The following DAB1 variants were observed in gnomAD, a reference collection of about 807,000 sequenced individuals.
DAB1 encodes the protein disabled homolog 1.
Under a neutral mutation model 64.6 loss-of-function variants are expected in DAB1, and 15 were observed. That is an observed-to-expected ratio of 0.23 (90% CI 0.16 to 0.36). The LOEUF is 0.36. Ranked by LOEUF, DAB1 falls within the 10% of genes least tolerant of loss-of-function variation. DAB1 has a pLI of 1.00. For synonymous variants in DAB1, 235 were observed against 251.9 expected (o/e 0.93, Z 0.64); for missense variants, 596 against 706.7 (o/e 0.84, Z 1.78).
intron 4 of DAB1, among the ~76,000 whole-genome samples, chr1:57,110,599 G>A (rs887041691): frequency 6.6e-6 from 1 of 152,194 alleles, no homozygotes; most frequent in African/African-American, 2.4e-5. Flanking sequence ...TCCAGGAACT[G>A]GGCCAGATAA....
chr1:58,286,512 G>A (rs965302164), intron 4 of DAB1, among the ~76,000 whole-genome samples: 3 of 152,134 alleles, frequency 2.0e-5, no homozygotes, highest in Non-Finnish European at 4.4e-5. Context: ...CAAAGGACAT[G>A]AACAGACACT....
At chr1:58,058,387 T>A (rs1648276864) in intron 5 of DAB1, among the ~76,000 whole-genome samples, 1 of 152,184 alleles carries the variant, frequency 6.6e-6, no homozygotes, top group South Asian at 2.1e-4. Flanking sequence ...CCCCATTGCA[T>A]GATTTCAGTT....
rs966421726 is a variant in DAB1 at position 57,526,126 on chromosome 1, CG to C, written n.625+123465del. Among the ~76,000 whole-genome samples the C allele has an allele frequency of 1.6e-3, 236 of 151,946 alleles. 1 individual carries two copies. Among genetic ancestry groups the C allele is most frequent in the Non-Finnish European group, 2.6e-3 (177 of 67,934 alleles). ...CTAATTTTTGTATTTTCAGTAGAGA[CG>C]GGGTTTCACCATGTTGGCCAGGCTG... is the stretch of plus-strand genomic sequence containing the variant. On this transcript the variant is annotated intron_variant and non_coding_transcript_variant, in intron 7 of 20. Coordinates refer to the DAB1 transcript ENST00000485760.
At position 58,477,726 on chromosome 1, in the gene DAB1, G is replaced by GA. The variant is rs1349719694; in HGVS notation, n.257+28333dup. On this transcript the variant is annotated intron_variant and non_coding_transcript_variant, in intron 3 of 20. Transcript: ENST00000485760. ...GGGAACAGGTGAGAAAGACTGCAAA[G>GA]AAAAAAGAGCCCTTGCTCTGATAAT... is the stretch of plus-strand genomic sequence containing the variant. 1.2e-4 allele frequency among the ~76,000 whole-genome samples: 18 copies of GA among 152,180 alleles called. No individual in the cohort carries two copies. In the East Asian group the frequency reaches 2.5e-3, roughly 21 times the overall value.
At chr1:57,953,592 A>G (rs1402021710) in intron 5 of DAB1, among the ~76,000 whole-genome samples, 1 of 152,170 alleles carries the variant, frequency 6.6e-6, no homozygotes, top group African/African-American at 2.4e-5. Flanking sequence ...TGTGCTGGAC[A>G]TCCTCCGTTT....
intron 7 of DAB1, among the ~76,000 whole-genome samples, chr1:57,539,270 CAAAT>C (rs946441243): frequency 3.3e-5 from 5 of 152,092 alleles, no homozygotes; most frequent in African/African-American, 1.2e-4. Flanking sequence ...GGAAAACAAA[CAAAT>C]GAATAAAAAT....
intron 5 of DAB1, among the ~76,000 whole-genome samples, chr1:58,003,004 T>C (rs1192908125): frequency 6.6e-6 from 1 of 152,184 alleles, no homozygotes; most frequent in Non-Finnish European, 1.5e-5. Context: ...TAGTATATAA[T>C]GTTATTGTTA....
At chr1:57,085,896 A>G (rs514412) in intron 4 of DAB1, among the ~76,000 whole-genome samples, 114,016 of 152,092 alleles carry the variant, frequency 0.75, 43,116 homozygotes, top group East Asian at 0.94. Context: ...GAAGTGACTA[A>G]ATTAGTAGGA....
At chr1:57,262,972 G>A (rs1354420662) in intron 2 of DAB1, among the ~76,000 whole-genome samples, 1 of 152,142 alleles carries the variant, frequency 6.6e-6, no homozygotes, top group Non-Finnish European at 1.5e-5. Context: ...TTAAGGGTGT[G>A]GTGGTATAAG....
At chr1:57,827,139 C>T (rs1652384795) in intron 1 of DAB1, among the ~76,000 whole-genome samples, 5 of 152,140 alleles carry the variant, frequency 3.3e-5, no homozygotes, top group Admixed American at 3.3e-4. Flanking sequence ...ATTAATGCTG[C>T]CAAAGGCCAG....
chr1:57,504,674 T>C (rs1644324967), intron 7 of DAB1, among the ~76,000 whole-genome samples: 1 of 152,218 alleles, frequency 6.6e-6, no homozygotes, highest in South Asian at 2.1e-4. Context: ...CTGGGCATTG[T>C]GACTTTCTTC....
chr1:57,402,258 C>A (rs1217875403), intron 1 of DAB1, among the ~76,000 whole-genome samples: 18 of 152,150 alleles, frequency 1.2e-4, no homozygotes, highest in Admixed American at 1.2e-3. Context: ...ATTTCAATCT[C>A]TCTTATAAGG....
At chr1:57,879,114 T>C (rs1644101739) in intron 1 of DAB1, among the ~76,000 whole-genome samples, 1 of 152,186 alleles carries the variant, frequency 6.6e-6, no homozygotes, top group Non-Finnish European at 1.5e-5. Flanking sequence ...CTATAGTGAA[T>C]ACTGCTACAA....
upstream of DAB1, among the ~76,000 whole-genome samples, chr1:57,426,727 G>A (rs1297110861): frequency 1.3e-5 from 2 of 152,148 alleles, no homozygotes; most frequent in Non-Finnish European, 2.9e-5. Flanking sequence ...ACTGGATAGA[G>A]TATAGAGTTT....
intron 4 of DAB1, among the ~76,000 whole-genome samples, chr1:58,210,934 T>C (rs1032612842): frequency 3.3e-5 from 5 of 151,832 alleles, no homozygotes; most frequent in African/African-American, 1.2e-4. Context: ...TTGAGGAGAG[T>C]TATGAAAAAT....
intron 5 of DAB1, among the ~76,000 whole-genome samples, chr1:58,136,637 T>C (rs901151624): frequency 6.6e-6 from 1 of 152,246 alleles, no homozygotes; most frequent in African/African-American, 2.4e-5. Flanking sequence ...AGAGGCTGGA[T>C]GGCATTCAAA....
intron 6 of DAB1, among the ~76,000 whole-genome samples, chr1:57,693,715 G>A (rs1209483469): frequency 4.6e-5 from 7 of 152,134 alleles, no homozygotes; most frequent in Admixed American, 1.3e-4. Flanking sequence ...AAAGGTCTGC[G>A]GCTTCATTCT....
intron 6 of DAB1, among the ~76,000 whole-genome samples, chr1:57,663,677 T>C (rs1415993744): frequency 6.6e-6 from 1 of 152,156 alleles, no homozygotes; most frequent in Admixed American, 6.5e-5. Flanking sequence ...TGTTGAATAA[T>C]AGGCATATTA....
chr1:57,108,487 C>T (rs6669702), intron 4 of DAB1, among the ~76,000 whole-genome samples: 34,584 of 152,020 alleles, frequency 0.23, 4,840 homozygotes, highest in East Asian at 0.56. Context: ...CTACTCATCC[C>T]CACAGTACTG....
Sources: allele counts gnomAD v4.1 joint callset (sites outside exome capture counted in the v4.1 genomes callset), GRCh38; gene constraint gnomAD v4.1.1; transcripts MANE v1.5; gene names NCBI Gene and HGNC (gene_info 2026-07-23, HGNC 2026-07-21).